The following KIFAP3 variants were observed in gnomAD, a reference collection of about 807,000 sequenced individuals.
KIFAP3 encodes kinesin associated protein 3.
KIFAP3 carries 68 observed loss-of-function variants against 106.5 expected under a neutral mutation model. The ratio of observed to expected loss-of-function variants is 0.64; its 90% CI spans 0.53 to 0.78. The LOEUF (loss-of-function observed/expected upper bound fraction) is 0.78, where lower values mean the gene tolerates loss of function less well. KIFAP3 is among the 30% of genes least tolerant of loss of function. KIFAP3 has a pLI of 0.00. For missense variants in KIFAP3, 780 were observed against 941.8 expected (o/e 0.83, Z 2.25); for synonymous variants, 320 against 311.5 (o/e 1.03, Z -0.29).
intron 9 of KIFAP3, among the ~76,000 whole-genome samples, chr1:170,019,759 T>C (rs567704581): frequency 2.3e-4 from 35 of 152,178 alleles, no homozygotes; most frequent in Non-Finnish European, 4.6e-4. Context: ...ATTGTTTTCC[T>C]CATAAGATCA....
chr1:169,982,688 T>C lies in KIFAP3; in HGVS notation c.1672+14A>G, dbSNP rs1344746106. On this transcript the variant is annotated intron_variant, in intron 14 of 19. Coordinates refer to ENST00000361580, the MANE Select transcript of KIFAP3 (RefSeq NM_014970.4). ...ACTTAGTGATTATACAAAAGTGAAA[T>C]ACTTAGCACAAACCTGGTTTTAGTT... 6.6e-7 allele frequency: 1 copy of C among 1,510,104 alleles called. No homozygotes were observed. The highest frequency in any genetic ancestry group is 9.0e-7 in the Non-Finnish European group (1 of 1,116,724). 93.5% of individuals were successfully genotyped at this position (1,510,104 alleles called of 1,614,324 possible). A position where few individuals can be genotyped will look rare whatever the true frequency, so the allele number is the denominator to read the frequency against.
intron 10 of KIFAP3, among the ~76,000 whole-genome samples, chr1:170,005,161 C>T (rs1433578497): frequency 1.3e-5 from 2 of 151,068 alleles, no homozygotes; most frequent in East Asian, 3.9e-4. Context: ...CAATGAGATA[C>T]CATCTCACAC....
intron 18 of KIFAP3, among the ~76,000 whole-genome samples, chr1:169,956,498 T>A (rs1039169822): frequency 2.4e-4 from 36 of 152,072 alleles, no homozygotes; most frequent in Non-Finnish European, 7.4e-5. Flanking sequence ...AATTAAAAAT[T>A]TTTTACTTCA....
At chr1:169,999,170 C>T (rs554796478) in intron 10 of KIFAP3, among the ~76,000 whole-genome samples, 1 of 152,180 alleles carries the variant, frequency 6.6e-6, no homozygotes, top group South Asian at 2.1e-4. Flanking sequence ...TCTTCATTCA[C>T]TGAAAGAAAG....
chr1:169,937,887 T>C (rs188661224), intron 19 of KIFAP3, among the ~76,000 whole-genome samples: 1 of 152,058 alleles, frequency 6.6e-6, no homozygotes, highest in Admixed American at 6.6e-5. Flanking sequence ...ACTGAAATTA[T>C]GTGACTTCCA....
Position 170,048,634 on chromosome 1 carries a change from T to C in KIFAP3, c.165-1768A>G, listed in dbSNP as rs190410240. On this transcript the variant is annotated intron_variant, in intron 2 of 19. Transcript: ENST00000361580. ...GTGATTTCTGCACTTCCAACTGAGG[T>C]ACCCAGTTCATCTCACTGGGACTGG... 6.3e-4 allele frequency among the ~76,000 whole-genome samples: 96 copies of C among 151,334 alleles called. 1 individual carries two copies. The highest frequency in any genetic ancestry group is 2.3e-3 in the African/African-American group (94 of 41,254).
chr1:169,967,184 G>C (rs1016814520), intron 17 of KIFAP3, among the ~76,000 whole-genome samples: 6 of 151,846 alleles, frequency 4.0e-5, no homozygotes, highest in African/African-American at 1.2e-4. Flanking sequence ...TACTATACCT[G>C]TTTTATTAAA....
chr1:170,014,399 T>A (rs1167538811), intron 10 of KIFAP3, among the ~76,000 whole-genome samples: 1 of 152,244 alleles, frequency 6.6e-6, no homozygotes, highest in Non-Finnish European at 1.5e-5. Context: ...TTCCTCCTAC[T>A]GGCCTAGCTC....
intron 19 of KIFAP3, among the ~76,000 whole-genome samples, chr1:169,948,207 G>C (rs1275295632): frequency 6.6e-6 from 1 of 151,750 alleles, no homozygotes; most frequent in Non-Finnish European, 1.5e-5. Context: ...TCTACAACAG[G>C]TGTTTAGGAG....
chr1:169,992,792 C>G (rs772882313), intron 10 of KIFAP3, among the ~76,000 whole-genome samples: 5 of 152,000 alleles, frequency 3.3e-5, no homozygotes, highest in African/African-American at 4.8e-5. Context: ...CTCAGAACTT[C>G]TAAGGTAAGA....
At chr1:169,925,666 T>C (rs1216507770) in intron 19 of KIFAP3, among the ~76,000 whole-genome samples, 1 of 152,092 alleles carries the variant, frequency 6.6e-6, no homozygotes, top group Admixed American at 6.6e-5. Context: ...CAAGTGATGC[T>C]TCACATGCAG....
At chr1:169,947,183 T>C (rs1185514319) in intron 19 of KIFAP3, among the ~76,000 whole-genome samples, 1 of 151,996 alleles carries the variant, frequency 6.6e-6, no homozygotes, top group Non-Finnish European at 1.5e-5. Flanking sequence ...CCTACCTATG[T>C]CATTTATTAC....
rs781633819 is a variant in KIFAP3, at chr1:169,982,114, A to G, written c.1673-17T>C. ...CTGCAGCACCTAGTGAAGTCAAACCATAGAAAGTTTTCACTGAAATGTCCT... is the reference window on the plus strand; with the variant it reads ...CTGCAGCACCTAGTGAAGTCAAACCGTAGAAAGTTTTCACTGAAATGTCCT... On this transcript the variant is annotated splice_polypyrimidine_tract_variant and intron_variant, in intron 14 of 19. Coordinates refer to ENST00000361580, the MANE Select transcript of KIFAP3 (RefSeq NM_014970.4). The G allele has an allele frequency of 6.2e-7, 1 of 1,609,466 alleles. No individual in the cohort carries two copies. Among genetic ancestry groups the G allele is most frequent in the South Asian group, 1.1e-5 (1 of 89,948 alleles).
At chr1:170,014,754 C>CA (rs1432187227) in intron 10 of KIFAP3, among the ~76,000 whole-genome samples, 1 of 152,112 alleles carries the variant, frequency 6.6e-6, no homozygotes, top group Non-Finnish European at 1.5e-5. Context: ...TATTTGTACT[C>CA]AGAGTAACAT....
chr1:169,936,017 T>G (rs1467269836), intron 19 of KIFAP3, among the ~76,000 whole-genome samples: 1 of 151,926 alleles, frequency 6.6e-6, no homozygotes, highest in Non-Finnish European at 1.5e-5. Flanking sequence ...TAGCTCATAA[T>G]TAATCCTTTA....
chr1:169,963,201 G>T (rs992627226), intron 17 of KIFAP3, among the ~76,000 whole-genome samples: 12 of 152,132 alleles, frequency 7.9e-5, no homozygotes, highest in African/African-American at 1.4e-4. Flanking sequence ...AGAGCATGTG[G>T]TATTTGGTTT....
intron 1 of KIFAP3, among the ~76,000 whole-genome samples, chr1:170,060,400 T>C (rs965406209): frequency 6.6e-6 from 1 of 152,118 alleles, no homozygotes; most frequent in African/African-American, 2.4e-5. Flanking sequence ...ATGAGTGAAA[T>C]TCCATTCACT....
At position 169,990,109 on chromosome 1, in the gene KIFAP3, C is replaced by T. The variant is rs1481082611; in HGVS notation, c.1284+2046G>A. On this transcript the variant is annotated intron_variant, in intron 11 of 19. Coordinates refer to ENST00000361580, the MANE Select transcript of KIFAP3 (RefSeq NM_014970.4). Reference sequence around the variant, plus strand: ...ACATGAACCTCCAAGGAAAATAGAGCGATTTACTCTTCTCCAATCAGTGCA... The same window carrying T: ...ACATGAACCTCCAAGGAAAATAGAGTGATTTACTCTTCTCCAATCAGTGCA... The T allele has an allele frequency of 1.0e-5, 15 of 1,463,482 alleles. No individual in the cohort carries two copies. In the South Asian group the frequency reaches 1.2e-4, roughly 11 times the overall value. 90.7% of individuals were successfully genotyped at this position (1,463,482 alleles called of 1,614,324 possible).
chr1:169,948,855 T>C (rs1291676759), intron 19 of KIFAP3, among the ~76,000 whole-genome samples: 1 of 151,996 alleles, frequency 6.6e-6, no homozygotes, highest in Admixed American at 6.6e-5. Flanking sequence ...TCTAGTAATA[T>C]GTAGTTCTGT....
Sources: allele counts gnomAD v4.1 joint callset (sites outside exome capture counted in the v4.1 genomes callset), GRCh38; gene constraint gnomAD v4.1.1; transcripts MANE v1.5; gene names NCBI Gene and HGNC (gene_info 2026-07-23, HGNC 2026-07-21).